The following LYZL1 variants were observed in gnomAD, a reference collection of about 807,000 sequenced individuals.
LYZL1 encodes the protein lysozyme-like protein 1.
LYZL1 carries 16 observed loss-of-function variants against 17.9 expected under a neutral mutation model. The ratio of observed to expected loss-of-function variants is 0.90; its 90% CI spans 0.61 to 1.36. The LOEUF is 1.36. Among genes scored for constraint, LYZL1 ranks in the 40% most tolerant of loss-of-function variants. The pLI is 0.00. For synonymous variants in LYZL1, 58 were observed against 71.8 expected (o/e 0.81, Z 0.97); for missense variants, 149 against 188.4 (o/e 0.79, Z 1.22).
At chr10:29,298,098 AACTGGGTAATTGGAGGAGAATAT>A (rs1192917003) in intron 3 of LYZL1, among the ~76,000 whole-genome samples, 4 of 152,196 alleles carry the variant, frequency 2.6e-5, no homozygotes, top group Non-Finnish European at 5.9e-5. Flanking sequence ...AACAAACACA[AACTGGGTAATTGGAGGAGAATAT>A]TAATAAAGAC....
chr10:29,306,804 G>A (rs1835601384), intron 3 of LYZL1, among the ~76,000 whole-genome samples: 1 of 139,460 alleles, frequency 7.2e-6, no homozygotes, highest in Non-Finnish European at 1.5e-5. Flanking sequence ...GTATGTGTGT[G>A]TGTGTGTGTG....
intron 3 of LYZL1, among the ~76,000 whole-genome samples, chr10:29,307,988 A>C (rs1006457656): frequency 2.0e-5 from 3 of 152,184 alleles, no homozygotes; most frequent in African/African-American, 4.8e-5. Context: ...TGTCAACGTC[A>C]AGCATTACCC....
intron 4 of LYZL1, 65 bp from the exon 5 acceptor site, chr10:29,310,925 T>A: frequency 1.2e-6 from 2 of 1,613,326 alleles, no homozygotes; most frequent in Non-Finnish European, 1.7e-6. Context: ...CTGTAGGCTT[T>A]GAAACTAAGA....
At chr10:29,311,251 G>A, downstream of LYZL1, 1 of 1,458,450 alleles carries the variant, frequency 6.9e-7, no homozygotes, top group Middle Eastern at 2.5e-4. Context: ...TTCCAATGAT[G>A]TCATAATAGC....
At chr10:29,315,388 T>C (rs1413031309), downstream of LYZL1, among the ~76,000 whole-genome samples, 1 of 152,072 alleles carries the variant, frequency 6.6e-6, no homozygotes, top group Non-Finnish European at 1.5e-5. Context: ...GGTGAGTGCC[T>C]GTAATCCTAG....
downstream of LYZL1, among the ~76,000 whole-genome samples, chr10:29,314,320 T>C (rs567884690): frequency 5.1e-4 from 78 of 152,300 alleles, no homozygotes; most frequent in African/African-American, 1.7e-3. Context: ...ATTTCCACAA[T>C]CCCTGCTGCA....
intron 3 of LYZL1, among the ~76,000 whole-genome samples, chr10:29,295,803 G>A (rs1835439392): frequency 6.6e-6 from 1 of 152,214 alleles, no homozygotes; most frequent in African/African-American, 2.4e-5. Flanking sequence ...ATTGCTGGCT[G>A]TGAAGATGGA....
intron 3 of LYZL1, among the ~76,000 whole-genome samples, chr10:29,294,825 C>G (rs1019064948): frequency 6.6e-6 from 1 of 152,158 alleles, no homozygotes; most frequent in Non-Finnish European, 1.5e-5. Context: ...CCTGTATATA[C>G]TATGATTTTT....
At chr10:29,293,134 CTTT>C (rs11453474) in intron 3 of LYZL1, among the ~76,000 whole-genome samples, 2,181 of 120,932 alleles carry the variant, frequency 0.018, 76 homozygotes, top group African/African-American at 0.064. Context: ...TTTCTTTTTT[CTTT>C]TTTTTTTTTT....
At position 29,297,002 on chromosome 10, in the gene LYZL1, T is replaced by G. The variant is rs552577403; in HGVS notation, c.298+4325T>G. On this transcript the variant is annotated intron_variant, in intron 3 of 4. Coordinates refer to ENST00000649382, the MANE Select transcript of LYZL1 (RefSeq NM_032517.6). ...CAGAGTTTATGCAAGGAAATGAAACTTCAAATTCAGAAAACTACCATTAAT... is the reference window on the plus strand; with the variant it reads ...CAGAGTTTATGCAAGGAAATGAAACGTCAAATTCAGAAAACTACCATTAAT... Among the ~76,000 whole-genome samples, 38 of 150,984 alleles carry G rather than the reference T, an allele frequency of 2.5e-4. No homozygotes were observed. The South Asian group carries it at 7.1e-3, about 28-fold the overall frequency.
At chr10:29,291,347 T>G (rs12221078) in intron 1 of LYZL1, among the ~76,000 whole-genome samples, 54,710 of 149,824 alleles carry the variant, frequency 0.37, 10,305 homozygotes, top group Non-Finnish European at 0.45. Context: ...TCATCCTGGT[T>G]GTCTTCACAC....
rs1162134650 is a variant in LYZL1 at position 29,311,107 on chromosome 10, A to G, written c.*48A>G. Reference sequence around the variant, plus strand: ...TTTGCAGCAACGCCCTAGGATTTGCAGTGAATGTCCAAATGCCTGTGTCAT... The same window carrying G: ...TTTGCAGCAACGCCCTAGGATTTGCGGTGAATGTCCAAATGCCTGTGTCAT... On this transcript the variant is annotated 3_prime_UTR_variant, in exon 5 of 5. Coordinates refer to ENST00000649382, the MANE Select transcript of LYZL1 (RefSeq NM_032517.6). 6.2e-7 allele frequency: 1 copy of G among 1,614,038 alleles called. No homozygotes were observed. The highest frequency in any genetic ancestry group is 1.1e-5 in the South Asian group (1 of 91,080).
chr10:29,308,525 T>C (rs1316748519), intron 3 of LYZL1, among the ~76,000 whole-genome samples: 3 of 152,230 alleles, frequency 2.0e-5, no homozygotes, highest in African/African-American at 7.2e-5. Flanking sequence ...AGAAGTGATA[T>C]TGGACTTTTA....
intron 1 of LYZL1, 124 bp from the exon 2 acceptor site, chr10:29,291,719 G>A (rs1223453351): frequency 1.7e-6 from 2 of 1,149,902 alleles, no homozygotes; most frequent in Non-Finnish European, 2.4e-6. Context: ...GGTTTTCCCT[G>A]ATGGTGGCAC....
At chr10:29,297,958 A>G (rs746811278) in intron 3 of LYZL1, among the ~76,000 whole-genome samples, 8 of 152,220 alleles carry the variant, frequency 5.3e-5, no homozygotes, top group Non-Finnish European at 8.8e-5. Context: ...AGGGAAAACC[A>G]TTTCCACTAT....
At chr10:29,311,353 GT>G, downstream of LYZL1, 3 of 805,010 alleles carry the variant, frequency 3.7e-6, no homozygotes, top group Non-Finnish European at 5.0e-6. Context: ...CCTGGTTTCT[GT>G]GGCCCTGAAA....
At chr10:29,309,603 C>T (rs1312150567) in intron 3 of LYZL1, among the ~76,000 whole-genome samples, 3 of 151,944 alleles carry the variant, frequency 2.0e-5, no homozygotes, top group African/African-American at 7.3e-5. Context: ...CTCAAGTGAT[C>T]CTCGCACTTC....
chr10:29,307,262 T>G (rs1013134214), intron 3 of LYZL1, among the ~76,000 whole-genome samples: 1 of 152,180 alleles, frequency 6.6e-6, no homozygotes, highest in African/African-American at 2.4e-5. Flanking sequence ...TTTAGACCCT[T>G]CCATCAGCGT....
chr10:29,302,160 C>T (rs928545381), intron 3 of LYZL1, among the ~76,000 whole-genome samples: 3 of 152,138 alleles, frequency 2.0e-5, no homozygotes, highest in African/African-American at 7.2e-5. Context: ...GCCACATTTC[C>T]CTGCCTCTGC....
Sources: gnomAD v4.1 joint callset for allele counts (sites outside exome capture counted in the v4.1 genomes callset) on GRCh38, gnomAD v4.1.1 for gene constraint, MANE v1.5 for transcripts, NCBI Gene and HGNC (gene_info 2026-07-23, HGNC 2026-07-21) for gene names.